Variants in FBXL17 observed in about 807,000 individuals in gnomAD.
FBXL17 encodes F-box and leucine rich repeat protein 17, also known as F-box/LRR-repeat protein 17.
A neutral mutation model predicts 66.2 loss-of-function variants in FBXL17; 22 were observed. The ratio of observed to expected loss-of-function variants is 0.33; its 90% CI spans 0.24 to 0.47. FBXL17 has a LOEUF of 0.47. Ranked by LOEUF, FBXL17 falls within the 20% of genes least tolerant of loss-of-function variation. The pLI, the probability that FBXL17 is intolerant of heterozygous loss-of-function variation, is 1.00. For synonymous variants in FBXL17, 474 were observed against 400.5 expected (o/e 1.18, Z -2.19); for missense variants, 878 against 948.2 (o/e 0.93, Z 0.97).
intron 6 of FBXL17, among the ~76,000 whole-genome samples, chr5:108,057,703 A>G (rs1383876726): frequency 6.6e-6 from 1 of 152,200 alleles, no homozygotes; most frequent in Non-Finnish European, 1.5e-5. Flanking sequence ...GAGGCTCTGT[A>G]CTTTTTCTTA....
chr5:108,126,631 G>GTCTCTCTGTCTCTCTCTCTCTCTCTC lies in FBXL17; in HGVS notation c.1745+59485_1745+59486insGAGAGAGAGAGAGAGAGACAGAGAGA, dbSNP rs1554067313. The stretch of plus-strand genomic sequence containing the variant: ...TATAAGATTATCTCTCTGTCTCTCT[G>GTCTCTCTGTCTCTCTCTCTCTCTCTC]TCTCTCTCTCTCTCTCTCTCTATAT... On this transcript the variant is annotated intron_variant, in intron 6 of 8. Transcript: ENST00000542267. Among the ~76,000 whole-genome samples the GTCTCTCTGTCTCTCTCTCTCTCTCTC allele has an allele frequency of 4.4e-5, 5 of 112,570 alleles. No homozygotes were observed. The South Asian group carries it at 1.5e-3, about 33-fold the overall frequency. The allele number at this position is 112,570 out of a possible 152,430, so 73.9% of individuals were successfully genotyped here.
intron 8 of FBXL17, among the ~76,000 whole-genome samples, chr5:107,873,497 A>G (rs1480596805): frequency 6.6e-6 from 1 of 152,218 alleles, no homozygotes; most frequent in Non-Finnish European, 1.5e-5. Context: ...AAACAGGAAC[A>G]GGATTTTCTC....
rs571601322 is a variant in FBXL17, at chr5:108,196,172, C to T, written c.1615-9925G>A. On this transcript the variant is annotated intron_variant, in intron 5 of 8. Transcript: ENST00000542267. ...TGAATTAATGTGCAGGCATACATCT[C>T]ACAGTAATAAAATAGAACACAAACA... Among the ~76,000 whole-genome samples the T allele has an allele frequency of 7.3e-5, 11 of 151,486 alleles. No individual in the cohort carries two copies. The South Asian group carries it at 2.3e-3, about 32-fold the overall frequency.
intron 6 of FBXL17, among the ~76,000 whole-genome samples, chr5:108,164,045 T>C (rs1457766435): frequency 6.6e-6 from 1 of 152,146 alleles, no homozygotes; most frequent in Non-Finnish European, 1.5e-5. Flanking sequence ...AATAAGATTG[T>C]CCTCTAAATC....
chr5:108,187,000 T>C (rs28578754), intron 5 of FBXL17, among the ~76,000 whole-genome samples: 2,632 of 152,240 alleles, frequency 0.017, 60 homozygotes, highest in African/African-American at 0.059. Context: ...AAATGGTTAA[T>C]TCAGAGATAG....
chr5:108,290,770 T>A lies in FBXL17; in HGVS notation c.1506+57629A>T, dbSNP rs114879450. ...AAGGTCTTATGTATCTTTTGTTGGATCTATTCCTTGGTATTTTGGGGGTTG... is the reference window on the plus strand; with the variant it reads ...AAGGTCTTATGTATCTTTTGTTGGAACTATTCCTTGGTATTTTGGGGGTTG... On this transcript the variant is annotated intron_variant, in intron 4 of 8. Transcript: ENST00000542267. Among the ~76,000 whole-genome samples, 306 of 152,292 alleles carry A rather than the reference T, an allele frequency of 2.0e-3. 2 individuals carry two copies. Among genetic ancestry groups the A allele is most frequent in the African/African-American group, 6.9e-3 (288 of 41,578 alleles).
chr5:108,093,842 T>C (rs1386850529), intron 6 of FBXL17, among the ~76,000 whole-genome samples: 2 of 152,172 alleles, frequency 1.3e-5, no homozygotes, highest in South Asian at 2.1e-4. Flanking sequence ...TGTAAATGTA[T>C]GATAATGTAC....
chr5:108,120,394 C>T (rs1194108864), intron 6 of FBXL17, among the ~76,000 whole-genome samples: 1 of 152,078 alleles, frequency 6.6e-6, no homozygotes, highest in Non-Finnish European at 1.5e-5. Flanking sequence ...AATAAAAAAC[C>T]ATTTTAACTG....
At chr5:107,936,192 T>C (rs1750904544) in intron 7 of FBXL17, among the ~76,000 whole-genome samples, 1 of 152,128 alleles carries the variant, frequency 6.6e-6, no homozygotes, top group Non-Finnish European at 1.5e-5. Flanking sequence ...CAATATGAGA[T>C]GAGTTTGAAA....
At chr5:108,140,567 A>G (rs1751311091) in intron 6 of FBXL17, among the ~76,000 whole-genome samples, 1 of 152,004 alleles carries the variant, frequency 6.6e-6, no homozygotes, top group Non-Finnish European at 1.5e-5. Context: ...TCCTCTGCCT[A>G]CCGCTTACAA....
At position 108,356,930 on chromosome 5, in the gene FBXL17, T is replaced by C. The variant is rs183595186; in HGVS notation, c.1374+7808A>G. Among the ~76,000 whole-genome samples the C allele has an allele frequency of 1.6e-3, 239 of 152,140 alleles. 1 individual carries two copies. The highest frequency in any genetic ancestry group is 2.4e-3 in the Non-Finnish European group (165 of 67,926). On this transcript the variant is annotated intron_variant, in intron 3 of 8. Coordinates refer to ENST00000542267, the MANE Select transcript of FBXL17 (RefSeq NM_001163315.3). ...GCTATGCATGTGAGGAATAGGAGTA[T>C]GTAGGAAATATGCAAAATTTCTCAA...
chr5:108,025,807 G>A (rs1329271463), intron 6 of FBXL17, among the ~76,000 whole-genome samples: 2 of 151,622 alleles, frequency 1.3e-5, no homozygotes, highest in African/African-American at 2.4e-5. Context: ...AGAGAGTAAC[G>A]AGAGCAAACA....
chr5:107,869,338 G>C (rs1481779302), intron 8 of FBXL17, among the ~76,000 whole-genome samples: 2 of 152,134 alleles, frequency 1.3e-5, no homozygotes, highest in Admixed American at 6.5e-5. Flanking sequence ...GCCAGCAAAA[G>C]TCATCGTGAA....
chr5:108,195,410 C>T (rs765865661), intron 5 of FBXL17, among the ~76,000 whole-genome samples: 16 of 152,202 alleles, frequency 1.1e-4, no homozygotes, highest in Non-Finnish European at 2.1e-4. Flanking sequence ...GAGATGGAAA[C>T]TGTCCCAGCA....
At chr5:108,026,535 C>T (rs151243011) in intron 6 of FBXL17, among the ~76,000 whole-genome samples, 1 of 152,096 alleles carries the variant, frequency 6.6e-6, no homozygotes, top group African/African-American at 2.4e-5. Context: ...AAGAAAAATT[C>T]TTTTTTAAAG....
At chr5:108,296,380 A>T (rs1400753700) in intron 4 of FBXL17, among the ~76,000 whole-genome samples, 5 of 151,930 alleles carry the variant, frequency 3.3e-5, no homozygotes, top group Non-Finnish European at 5.9e-5. Context: ...ATGAAATATA[A>T]AATGCCAATT....
intron 5 of FBXL17, among the ~76,000 whole-genome samples, chr5:108,206,884 C>T (rs1383746585): frequency 1.3e-5 from 2 of 152,162 alleles, no homozygotes; most frequent in Non-Finnish European, 1.5e-5. Flanking sequence ...AATACCGAGT[C>T]GTGAAATGAC....
At chr5:108,046,196 A>G (rs1260686955) in intron 6 of FBXL17, among the ~76,000 whole-genome samples, 1 of 152,188 alleles carries the variant, frequency 6.6e-6, no homozygotes, top group African/African-American at 2.4e-5. Context: ...TCCTTTTATC[A>G]TTACATAATG....
intron 6 of FBXL17, among the ~76,000 whole-genome samples, chr5:108,081,884 C>G (rs1325753124): frequency 1.3e-5 from 2 of 152,154 alleles, no homozygotes; most frequent in Admixed American, 6.5e-5. Flanking sequence ...CTACTCTCTC[C>G]GAGTAAATTT....
Sources: allele counts gnomAD v4.1 joint callset (sites outside exome capture counted in the v4.1 genomes callset), GRCh38; gene constraint gnomAD v4.1.1; transcripts MANE v1.5; gene names NCBI Gene and HGNC (gene_info 2026-07-23, HGNC 2026-07-21).